The following IQCM variants were observed in gnomAD, a reference collection of about 807,000 sequenced individuals.
IQCM encodes the protein IQ motif containing M.
In IQCM, 45 loss-of-function variants were observed where a neutral mutation model predicts 57.6. That is an observed-to-expected ratio of 0.78 (90% CI 0.62 to 1.00). The LOEUF (loss-of-function observed/expected upper bound fraction) is 1.00, where lower values mean the gene tolerates loss of function less well. Ranked by LOEUF, IQCM falls within the 50% of genes least tolerant of loss-of-function variation. IQCM has a pLI of 0.00. For synonymous variants in IQCM, 148 were observed against 158.9 expected, an observed-to-expected ratio of 0.93 and a Z score of 0.51; for missense variants, 468 against 511.6, an observed-to-expected ratio of 0.91 and a Z score of 0.82.
intron 2 of IQCM, among the ~76,000 whole-genome samples, chr4:149,797,200 A>G (rs1244226254): frequency 6.6e-6 from 1 of 152,164 alleles, no homozygotes; most frequent in East Asian, 1.9e-4. Flanking sequence ...ATTCTATCAG[A>G]TAAATTTAAC....
chr4:149,665,002 A>G (rs1416505043), intron 7 of IQCM, among the ~76,000 whole-genome samples: 1 of 152,132 alleles, frequency 6.6e-6, no homozygotes, highest in East Asian at 1.9e-4. Flanking sequence ...ATTTGAAACC[A>G]AATTATCAAC....
intron 2 of IQCM, among the ~76,000 whole-genome samples, chr4:149,811,314 T>G (rs1774547375): frequency 6.6e-6 from 1 of 152,170 alleles, no homozygotes; most frequent in Admixed American, 6.6e-5. Flanking sequence ...GCTTTTCTCC[T>G]TGCTTTGGAT....
At chr4:149,494,233 T>C (rs760549445) in intron 12 of IQCM, among the ~76,000 whole-genome samples, 3 of 151,956 alleles carry the variant, frequency 2.0e-5, no homozygotes, top group Non-Finnish European at 4.4e-5. Context: ...GAGACATAAA[T>C]GCAAAGTAAT....
At chr4:149,520,781 T>C (rs1745556673) in intron 12 of IQCM, among the ~76,000 whole-genome samples, 1 of 152,124 alleles carries the variant, frequency 6.6e-6, no homozygotes, top group South Asian at 2.1e-4. Flanking sequence ...TTCCCAGTTA[T>C]GTTAGAGTCT....
chr4:149,735,135 G>C (rs1220666852), intron 4 of IQCM, among the ~76,000 whole-genome samples: 1 of 152,000 alleles, frequency 6.6e-6, no homozygotes, highest in Non-Finnish European at 1.5e-5. Context: ...AATTTAAATT[G>C]TATTAAATGT....
At chr4:149,612,793 T>C (rs770374180) in intron 8 of IQCM, among the ~76,000 whole-genome samples, 75 of 152,236 alleles carry the variant, frequency 4.9e-4, no homozygotes, top group Non-Finnish European at 9.4e-4. Context: ...GAAATATTCA[T>C]TTCAAAATTA....
intron 8 of IQCM, among the ~76,000 whole-genome samples, chr4:149,597,033 T>C (rs746622353): frequency 2.6e-5 from 4 of 152,052 alleles, no homozygotes; most frequent in Non-Finnish European, 5.9e-5. Flanking sequence ...GTAAAGACTA[T>C]AAAATAAGAA....
intron 12 of IQCM, among the ~76,000 whole-genome samples, chr4:149,471,114 A>G (rs563283349): frequency 6.6e-6 from 1 of 152,182 alleles, no homozygotes; most frequent in Non-Finnish European, 1.5e-5. Context: ...GAAATAACTA[A>G]GATCAGAGCA....
intron 12 of IQCM, among the ~76,000 whole-genome samples, chr4:149,506,269 C>A (rs937160239): frequency 7.2e-5 from 11 of 152,186 alleles, no homozygotes; most frequent in African/African-American, 2.7e-4. Context: ...CCCAAGGAAA[C>A]TCATTAGCCT....
Position 149,384,907 on chromosome 4 carries a change from T to G in IQCM, c.1391-32841A>C, listed in dbSNP as rs143311200. The stretch of plus-strand genomic sequence containing the variant: ...GAATTTCCTCATTATTATCTATTTC[T>G]GTGGTGTGTTTGTAATTCAGCTATT... On this transcript the variant is annotated intron_variant, in intron 13 of 13. Coordinates refer to ENST00000636793, the MANE Select transcript of IQCM (RefSeq NM_001363507.2). 5.1e-4 allele frequency among the ~76,000 whole-genome samples: 77 copies of G among 152,254 alleles called. No individual in the cohort carries two copies. In the East Asian group the frequency reaches 0.012, roughly 23 times the overall value.
chr4:149,553,031 G>T, intron 11 of IQCM, 112 bp downstream of exon 11: 3 of 736,708 alleles, frequency 4.1e-6, no homozygotes, highest in Non-Finnish European at 5.6e-6. Context: ...ATTGCTTACA[G>T]CAATATAACA....
At chr4:149,758,393 G>T (rs925558394) in intron 2 of IQCM, among the ~76,000 whole-genome samples, 1 of 152,042 alleles carries the variant, frequency 6.6e-6, no homozygotes, top group Admixed American at 6.5e-5. Context: ...GACAACAGGA[G>T]AAAAATCTAG....
At position 149,606,195 on chromosome 4, in the gene IQCM, G is replaced by A. The variant is rs144914772; in HGVS notation, c.681+14934C>T. The stretch of plus-strand genomic sequence containing the variant: ...CATAATGCCATTTGTGATGGCCATG[G>A]GAATACCAGCATCACCCCTCCCCCA... On this transcript the variant is annotated intron_variant, in intron 8 of 13. Transcript: ENST00000636793. 5.3e-5 allele frequency among the ~76,000 whole-genome samples: 8 copies of A among 152,230 alleles called. No homozygotes were observed. The East Asian group carries it at 1.6e-3, about 30-fold the overall frequency.
intron 6 of IQCM, among the ~76,000 whole-genome samples, chr4:149,684,699 A>T (rs1276345657): frequency 6.6e-6 from 1 of 151,416 alleles, no homozygotes; most frequent in East Asian, 1.9e-4. Flanking sequence ...GCCTAATGAC[A>T]TTCTATTTGT....
chr4:149,493,399 A>C (rs2149779646), intron 12 of IQCM, among the ~76,000 whole-genome samples: 1 of 152,262 alleles, frequency 6.6e-6, no homozygotes, highest in African/African-American at 2.4e-5. Flanking sequence ...TAATCTGGAC[A>C]ACATAATTTT....
At chr4:149,658,932 T>G (rs948265746) in intron 7 of IQCM, among the ~76,000 whole-genome samples, 1 of 152,110 alleles carries the variant, frequency 6.6e-6, no homozygotes, top group African/African-American at 2.4e-5. Flanking sequence ...AGGAACACTT[T>G]GACCTTCTCC....
intron 9 of IQCM, among the ~76,000 whole-genome samples, chr4:149,585,422 A>C (rs1371869716): frequency 6.6e-6 from 1 of 151,714 alleles, no homozygotes; most frequent in Non-Finnish European, 1.5e-5. Flanking sequence ...ATTTCAAATA[A>C]AGAAGAGAAT....
At position 149,396,143 on chromosome 4, in the gene IQCM, G is replaced by A. The variant is rs9992858; in HGVS notation, c.1390+37253C>T. ...GAATATTTTTAACATATAGAAAATC[G>A]AAAAATACTACAAAAAATACCTGCA... On this transcript the variant is annotated intron_variant, in intron 13 of 13. Coordinates refer to ENST00000636793, the MANE Select transcript of IQCM (RefSeq NM_001363507.2). Among the ~76,000 whole-genome samples the A allele has an allele frequency of 5.3e-5, 8 of 151,218 alleles. No homozygotes were observed. In the South Asian group the frequency reaches 8.4e-4, roughly 16 times the overall value.
chr4:149,743,893 A>G (rs1053331946), intron 2 of IQCM, among the ~76,000 whole-genome samples: 2 of 152,230 alleles, frequency 1.3e-5, no homozygotes, highest in Non-Finnish European at 2.9e-5. Context: ...CTTTACAATT[A>G]GAAATGGGAA....
Sources: allele counts gnomAD v4.1 joint callset (sites outside exome capture counted in the v4.1 genomes callset), GRCh38; gene constraint gnomAD v4.1.1; transcripts MANE v1.5; gene names NCBI Gene and HGNC (gene_info 2026-07-23, HGNC 2026-07-21).